Variants in UGT2B4 observed in about 807,000 individuals in gnomAD.
UGT2B4 encodes the protein UDP glucuronosyltransferase family 2 member B4.
Under a neutral mutation model 49.8 loss-of-function variants are expected in UGT2B4, and 49 were observed. The observed-to-expected ratio is 0.98, with a 90% CI of 0.78 to 1.25. The LOEUF is 1.25. Ranked by LOEUF, UGT2B4 falls within the 50% of genes most tolerant of loss-of-function variation. UGT2B4 has a pLI of 0.00. For synonymous variants in UGT2B4, 246 were observed against 217.7 expected (o/e 1.13, Z -1.14); for missense variants, 729 against 627.7 (o/e 1.16, Z -1.73).
rs575397410 is a variant in UGT2B4, at chr4:69,500,906, T to C, written c.-105-4940A>G. Among the ~76,000 whole-genome samples the C allele has an allele frequency of 3.3e-5, 5 of 152,306 alleles. No individual in the cohort carries two copies. The South Asian group carries it at 1.0e-3, about 32-fold the overall frequency. ...TTTAGGCAGAGCAGCAGCTCAGGCA[T>C]GTGTAGAGACCTGGGAGTTTTAGAT... On this transcript the variant is annotated intron_variant, in intron 1 of 1. Transcript: ENST00000510114.
At chr4:69,483,003 C>A (rs1218481294) in intron 5 of UGT2B4, among the ~76,000 whole-genome samples, 4 of 151,980 alleles carry the variant, frequency 2.6e-5, no homozygotes, top group Admixed American at 6.6e-5. Flanking sequence ...TTTCTGGACA[C>A]TATTAATAAT....
exon 1 of UGT2B4, chr4:69,525,747 G>A: frequency 8.0e-7 from 1 of 1,256,956 alleles, no homozygotes; most frequent in East Asian, 5.8e-5. Context: ...TAGTCCCTGT[G>A]CTCAAGCAGC....
intron 1 of UGT2B4, among the ~76,000 whole-genome samples, chr4:69,506,736 A>T (rs1393547057): frequency 6.6e-6 from 1 of 152,206 alleles, no homozygotes; most frequent in East Asian, 1.9e-4. Context: ...GGCCAGCATC[A>T]TCCTAACACC....
At chr4:69,509,168 C>CTT (rs1177088839) in intron 1 of UGT2B4, among the ~76,000 whole-genome samples, 2 of 43,910 alleles carry the variant, frequency 4.6e-5, no homozygotes, top group African/African-American at 1.2e-4. Flanking sequence ...TATGGAATTT[C>CTT]TATTTTTTTT....
chr4:69,521,239 A>G (rs561453695), intron 1 of UGT2B4, among the ~76,000 whole-genome samples: 19 of 152,324 alleles, frequency 1.2e-4, no homozygotes, highest in African/African-American at 4.6e-4. Context: ...AAACATCTGT[A>G]ACACAAACCA....
At position 69,486,700 on chromosome 4, in the gene UGT2B4, T is replaced by A; in HGVS notation, c.1003-4A>T. On this transcript the variant is annotated splice_region_variant and splice_polypyrimidine_tract_variant and intron_variant, in intron 3 of 5. Transcript: ENST00000305107. Reference sequence around the variant, plus strand: ...TCCCATCAAATCTCCACAGAACCTGTTACAGTGAAGAAAATATCTTATTCC... The same window carrying A: ...TCCCATCAAATCTCCACAGAACCTGATACAGTGAAGAAAATATCTTATTCC... 6.3e-7 allele frequency: 1 copy of A among 1,593,704 alleles called. No individual in the cohort carries two copies.
chr4:69,517,359 C>T (rs1728757194), intron 1 of UGT2B4, among the ~76,000 whole-genome samples: 1 of 152,066 alleles, frequency 6.6e-6, no homozygotes. Flanking sequence ...TGATGACCAT[C>T]TTATTTTAAT....
chr4:69,495,796 A>G lies in UGT2B4; in HGVS notation c.66T>C (p.Ser22=). The change falls in exon 1 of 6, where the codon AGT becomes AGC. Residue 22 remains serine, a synonymous_variant. Transcript: ENST00000305107. The part of the protein sequence containing the change: ...IQLSCYFSSG[S]CGKVLVWPTE... The stretch of plus-strand genomic sequence containing the variant: ...TGGGCCACACCAGCACCTTTCCACA[A>G]CTCCCAGAGCTAAAGTAACAGCTCA... 6.2e-7 allele frequency: 1 copy of G among 1,613,330 alleles called. No individual in the cohort carries two copies. Among genetic ancestry groups the G allele is most frequent in the Non-Finnish European group, 8.5e-7 (1 of 1,179,770 alleles).
intron 3 of UGT2B4, among the ~76,000 whole-genome samples, chr4:69,487,270 A>G (rs1185174040): frequency 6.6e-6 from 1 of 152,226 alleles, no homozygotes; most frequent in Non-Finnish European, 1.5e-5. Context: ...ATGCACATGT[A>G]TGTTTACTAC....
intron 3 of UGT2B4, among the ~76,000 whole-genome samples, chr4:69,488,235 T>C (rs1727853145): frequency 6.6e-6 from 1 of 152,192 alleles, no homozygotes; most frequent in South Asian, 2.1e-4. Context: ...AATACAACTC[T>C]TGAATAAATT....
At chr4:69,494,990 C>T in intron 1 of UGT2B4, 151 bp downstream of exon 1, 1 of 703,638 alleles carries the variant, frequency 1.4e-6, no homozygotes, top group East Asian at 3.1e-5. Context: ...TTCTATAGTG[C>T]TTGTGAGTTT....
intron 1 of UGT2B4, among the ~76,000 whole-genome samples, chr4:69,504,315 A>G (rs888220823): frequency 1.3e-5 from 2 of 152,212 alleles, no homozygotes; most frequent in African/African-American, 4.8e-5. Context: ...CAAAAACAAG[A>G]AAGTCAAAAA....
intron 1 of UGT2B4, among the ~76,000 whole-genome samples, chr4:69,523,385 T>G (rs979917830): frequency 6.6e-6 from 1 of 152,136 alleles, no homozygotes; most frequent in Non-Finnish European, 1.5e-5. Context: ...TGTAATGTTA[T>G]CAGGCATGAA....
intron 1 of UGT2B4, among the ~76,000 whole-genome samples, chr4:69,508,577 A>G (rs1454513207): frequency 6.6e-6 from 1 of 152,196 alleles, no homozygotes; most frequent in African/African-American, 2.4e-5. Flanking sequence ...GTTGGATGCC[A>G]TTATTCTCAA....
intron 1 of UGT2B4, among the ~76,000 whole-genome samples, chr4:69,514,703 G>A (rs1245219190): frequency 1.3e-5 from 2 of 152,054 alleles, no homozygotes; most frequent in Non-Finnish European, 2.9e-5. Context: ...CCTTTTCTGG[G>A]TTTATTGAGT....
chr4:69,484,728 A>G (rs1727715183), intron 5 of UGT2B4, among the ~76,000 whole-genome samples: 1 of 152,264 alleles, frequency 6.6e-6, no homozygotes, highest in East Asian at 1.9e-4. Context: ...CTGTAAGCAT[A>G]CTAAATATAT....
At chr4:69,486,584 C>T in intron 4 of UGT2B4, 25 bp downstream of exon 4, 1 of 1,457,218 alleles carries the variant, frequency 6.9e-7, no homozygotes, top group Non-Finnish European at 9.4e-7. Flanking sequence ...CTAATATATT[C>T]AGTATTTGTT....
chr4:69,506,655 C>T (rs543884836), intron 1 of UGT2B4, among the ~76,000 whole-genome samples: 1 of 151,436 alleles, frequency 6.6e-6, no homozygotes, highest in East Asian at 1.9e-4. Context: ...AAAAGAAGAC[C>T]TGGTATTATT....
chr4:69,525,018 C>T (rs1423432188), intron 1 of UGT2B4, among the ~76,000 whole-genome samples: 2 of 152,028 alleles, frequency 1.3e-5, no homozygotes, highest in African/African-American at 2.4e-5. Context: ...AAATTGTGTG[C>T]CAGAGATTAT....
Sources: allele counts gnomAD v4.1 joint callset (sites outside exome capture counted in the v4.1 genomes callset), GRCh38; gene constraint gnomAD v4.1.1; transcripts MANE v1.5; gene names NCBI Gene and HGNC (gene_info 2026-07-23, HGNC 2026-07-21).